KLF8: variants seen among roughly 807,000 people sequenced by gnomAD.
KLF8 encodes the protein Krueppel-like factor 8.
A neutral mutation model predicts 18.2 loss-of-function variants in KLF8; 10 were observed. The ratio of observed to expected loss-of-function variants is 0.55; its 90% CI spans 0.34 to 0.93. The LOEUF is 0.93. KLF8 is among the 40% of genes least tolerant of loss of function. The pLI is 0.02. For synonymous variants in KLF8, 109 were observed against 97.3 expected, an observed-to-expected ratio of 1.12 and a Z score of -0.71; for missense variants, 264 against 277.9, an observed-to-expected ratio of 0.95 and a Z score of 0.36.
the KLF8 span, among the ~76,000 whole-genome samples, chrX:56,049,340 G>C: frequency 2.4e-4 from 27 of 111,558 alleles, no homozygotes; most frequent in Non-Finnish European, 1.1e-4. Flanking sequence ...TCCCTGTCTT[G>C]TGCCAGTTTT....
chrX:56,149,537 A>G, the KLF8 span, among the ~76,000 whole-genome samples: 1 of 111,036 alleles, frequency 9.0e-6, no homozygotes, highest in Admixed American at 9.7e-5. Context: ...AGCATCAAAC[A>G]ATACACCCAA....
chrX:56,238,639 C>T (rs1438937053), intron 1 of KLF8, among the ~76,000 whole-genome samples: 1 of 111,446 alleles, frequency 9.0e-6, no homozygotes, highest in African/African-American at 3.3e-5. Context: ...CTCATCTGGC[C>T]TAGGTGGCCT....
At chrX:55,957,174 C>G in the KLF8 span, among the ~76,000 whole-genome samples, 4 of 111,371 alleles carry the variant, frequency 3.6e-5, no homozygotes, top group Non-Finnish European at 7.5e-5. Context: ...GTGGTCTTGG[C>G]ACCCCTGGCA....
At chrX:56,063,630 C>T in the KLF8 span, among the ~76,000 whole-genome samples, 169 of 111,688 alleles carry the variant, frequency 1.5e-3, 1 homozygote, top group African/African-American at 5.0e-3. Context: ...GAGACATGGG[C>T]GTCAGGGACC....
the KLF8 span, among the ~76,000 whole-genome samples, chrX:55,939,417 GA>G: frequency 9.0e-6 from 1 of 111,014 alleles, no homozygotes; most frequent in Non-Finnish European, 1.9e-5. Context: ...GCCCATAAGA[GA>G]AAACAGGAAA....
chrX:56,189,384 G>T, the KLF8 span, among the ~76,000 whole-genome samples: 1 of 111,601 alleles, frequency 9.0e-6, no homozygotes, highest in Non-Finnish European at 1.9e-5. Context: ...GTGCTGGAGA[G>T]GATGTGGAGA....
At chrX:56,011,891 C>G in the KLF8 span, among the ~76,000 whole-genome samples, 1 of 111,338 alleles carries the variant, frequency 9.0e-6, no homozygotes, top group Non-Finnish European at 1.9e-5. Flanking sequence ...ATACACCCTC[C>G]AAAGACTAAA....
At chrX:56,280,238 C>CT (rs1260282999) in intron 5 of KLF8, among the ~76,000 whole-genome samples, 8 of 110,750 alleles carry the variant, frequency 7.2e-5, no homozygotes, top group African/African-American at 9.8e-5. Context: ...TTACCATTAT[C>CT]TTTTTTTTTC....
At chrX:55,975,106 G>T in the KLF8 span, among the ~76,000 whole-genome samples, 1 of 111,795 alleles carries the variant, frequency 8.9e-6, no homozygotes, top group Non-Finnish European at 1.9e-5. Context: ...GGAAACGTAG[G>T]ATATAGTGAA....
At chrX:55,936,535 C>A in the KLF8 span, among the ~76,000 whole-genome samples, 20 of 112,717 alleles carry the variant, frequency 1.8e-4, no homozygotes, top group Admixed American at 2.8e-4. Context: ...GGGTGCAGGA[C>A]TGTGGGTGCA....
chrX:56,022,551 C>CAAAAAAAAAAAAAAAAAAAAAAAA, the KLF8 span, among the ~76,000 whole-genome samples: 2 of 27,307 alleles, frequency 7.3e-5, no homozygotes, highest in African/African-American at 2.0e-4. Context: ...TCTGTCTGAC[C>CAAAAAAAAAAAAAAAAAAAAAAAA]AAAAAAAAAA....
chrX:56,174,721 G>C, the KLF8 span, among the ~76,000 whole-genome samples: 4 of 111,069 alleles, frequency 3.6e-5, no homozygotes, highest in Non-Finnish European at 5.7e-5. Flanking sequence ...GAATCTATCT[G>C]GTCTTGGCCT....
chrX:55,931,037 C>T, the KLF8 span, among the ~76,000 whole-genome samples: 1 of 111,816 alleles, frequency 8.9e-6, no homozygotes, highest in Non-Finnish European at 1.9e-5. Context: ...GGTTGGTAGG[C>T]TATTAATTAC....
intron 1 of KLF8, 84 bp downstream of exon 1, chrX:56,233,425 C>G (rs1343614976): frequency 1.1e-5 from 8 of 743,592 alleles, no homozygotes; most frequent in African/African-American, 2.1e-5. Context: ...CTGCTCCCCC[C>G]ACACACCCCA....
the KLF8 span, among the ~76,000 whole-genome samples, chrX:56,055,090 T>G: frequency 8.9e-6 from 1 of 111,763 alleles, no homozygotes; most frequent in Non-Finnish European, 1.9e-5. Flanking sequence ...AGGTTAGTAT[T>G]GATATGTGTA....
chrX:56,155,018 T>A, the KLF8 span, among the ~76,000 whole-genome samples: 12 of 112,125 alleles, frequency 1.1e-4, no homozygotes, highest in Non-Finnish European at 1.9e-4. Context: ...GACTGTAAAC[T>A]AGTTCAACCA....
At chrX:55,939,244 T>C in the KLF8 span, among the ~76,000 whole-genome samples, 1 of 111,433 alleles carries the variant, frequency 9.0e-6, no homozygotes, top group Non-Finnish European at 1.9e-5. Flanking sequence ...CTCAAGTACA[T>C]GGAAACTGAA....
the KLF8 span, among the ~76,000 whole-genome samples, chrX:56,108,781 G>A: frequency 1.8e-5 from 2 of 111,638 alleles, no homozygotes; most frequent in Non-Finnish European, 3.8e-5. Context: ...GAAAAGTTGT[G>A]TTATTGATTT....
the KLF8 span, among the ~76,000 whole-genome samples, chrX:56,200,211 C>A: frequency 1.8e-5 from 2 of 109,790 alleles, no homozygotes; most frequent in African/African-American, 6.6e-5. Flanking sequence ...TGCACATGTA[C>A]CGTAGAAGTT....
Sources: allele counts gnomAD v4.1 joint callset (sites outside exome capture counted in the v4.1 genomes callset), GRCh38; gene constraint gnomAD v4.1.1; transcripts MANE v1.5; gene names NCBI Gene and HGNC (gene_info 2026-07-23, HGNC 2026-07-21).